The following ZKSCAN3 variants were observed in gnomAD, a reference collection of about 807,000 sequenced individuals.
ZKSCAN3 encodes zinc finger with KRAB and SCAN domains 3.
In ZKSCAN3, 21 loss-of-function variants were observed where a neutral mutation model predicts 30.7. That is an observed-to-expected ratio of 0.68 (90% CI 0.49 to 0.99). The LOEUF (loss-of-function observed/expected upper bound fraction) is 0.99, where lower values mean the gene tolerates loss of function less well. Among genes scored for constraint, ZKSCAN3 ranks in the 50% least tolerant of loss-of-function variants. The pLI is 0.00. For synonymous variants in ZKSCAN3, 201 were observed against 246.7 expected, an observed-to-expected ratio of 0.81 and a Z score of 1.73; for missense variants, 507 against 647.1, an observed-to-expected ratio of 0.78 and a Z score of 2.35.
chr6:28,358,913 A>G (rs1765607303), intron 1 of ZKSCAN3, among the ~76,000 whole-genome samples: 2 of 151,778 alleles, frequency 1.3e-5, no homozygotes, highest in Admixed American at 1.3e-4. Flanking sequence ...AAAAAAAAAA[A>G]AAAAAAAAAA....
rs201098027 is a variant in ZKSCAN3, at chr6:28,365,695, G to A, written c.1027G>A (p.Glu343Lys). ...RRIHTGEKPY[E>K]CEECGKAFIG... ...AATCCACACTGGTGAGAAACCCTAC[G>A]AATGTGAAGAGTGTGGCAAAGCCTT... Residue 343 changes from glutamate to lysine, a missense_variant, in exon 6 of 6, where the codon GAA becomes AAA. Transcript: ENST00000252211. 5.6e-6 allele frequency: 9 copies of A among 1,612,920 alleles called. No individual in the cohort carries two copies. Among genetic ancestry groups the A allele is most frequent in the Admixed American group, 5.0e-5 (3 of 59,926 alleles).
chr6:28,352,630 C>T (rs1429927003), intron 1 of ZKSCAN3, among the ~76,000 whole-genome samples: 1 of 152,162 alleles, frequency 6.6e-6, no homozygotes, highest in Non-Finnish European at 1.5e-5. Context: ...AGTTTGAAAG[C>T]CTTTAATGTA....
intron 5 of ZKSCAN3, among the ~76,000 whole-genome samples, chr6:28,364,981 GC>G (rs1765901220): frequency 6.6e-6 from 1 of 152,178 alleles, no homozygotes; most frequent in South Asian, 2.1e-4. Flanking sequence ...GCCAGCCTGA[GC>G]CTCCCAGTCG....
Position 28,359,827 on chromosome 6 carries a change from A to G in ZKSCAN3, c.241A>G (p.Ser81Gly). 2 of 1,614,198 alleles carry G rather than the reference A, an allele frequency of 1.2e-6. No homozygotes were observed. Among genetic ancestry groups the G allele is most frequent in the Non-Finnish European group, 1.7e-6 (2 of 1,180,046 alleles). Residue 81 changes from serine to glycine, a missense_variant, in exon 2 of 6, where the codon AGC becomes GGC. Physicochemically the swap from Ser to Gly is moderately conservative, Grantham distance 56. Transcript: ENST00000252211. ...ACAGTGGCTGCAGCCTGAGATGCAC[A>G]GCAAGGAGCAGATCCTGGAGCTGCT... ...CRQWLQPEMH[S>G]KEQILELLVL...
rs2113874493 is a variant in ZKSCAN3, at chr6:28,349,984, G to A, written c.-146G>A. The A allele has an allele frequency of 6.6e-6, 1 of 152,378 alleles. No individual in the cohort carries two copies. Among genetic ancestry groups the A allele is most frequent in the South Asian group, 2.1e-4 (1 of 4,820 alleles). The allele number at this position is 152,378 out of a possible 1,614,324, so 9.4% of individuals were successfully genotyped here. The stretch of plus-strand genomic sequence containing the variant: ...CACTTTGTGAGTATGGGGTGAATCG[G>A]CGTCGGCCTTCCACTGTGGGGTTAA... On this transcript the variant is annotated 5_prime_UTR_variant, in exon 1 of 6. Coordinates refer to ENST00000252211, the MANE Select transcript of ZKSCAN3 (RefSeq NM_024493.4). This position sits in a 1 kb window ranked among gnomAD's most constrained non-coding sequence, Gnocchi z 4.1.
intron 4 of ZKSCAN3, 134 bp downstream of exon 4, chr6:28,363,519 C>T (rs1765844886): frequency 7.9e-7 from 1 of 1,271,522 alleles, no homozygotes; most frequent in African/African-American, 1.5e-5. Flanking sequence ...TCTGCATTTT[C>T]TCATCTATCT....
rs147772082 is a variant in ZKSCAN3 at position 28,352,477 on chromosome 6, T to A, written c.-63+2410T>A. Among the ~76,000 whole-genome samples, 22 of 152,202 alleles carry A rather than the reference T, an allele frequency of 1.4e-4. 1 individual carries two copies. In the East Asian group the frequency reaches 4.3e-3, roughly 29 times the overall value. ...CATATGGGCCAGGCTGTTCTTGAAC[T>A]CCTGACCCCAGGAAATCTGCCTCAG... is the stretch of plus-strand genomic sequence containing the variant. On this transcript the variant is annotated intron_variant, in intron 1 of 5. Transcript: ENST00000252211.
At chr6:28,360,242 T>A in intron 2 of ZKSCAN3, 2 of 623,494 alleles carry the variant, frequency 3.2e-6, no homozygotes, top group Non-Finnish European at 5.3e-6. Context: ...AACTTTGTAT[T>A]AAAGTCATAC....
rs1365216246 is a variant in ZKSCAN3, at chr6:28,368,501, C to T, written c.*2216C>T. 1 of 151,728 alleles carries T rather than the reference C, an allele frequency of 6.6e-6. No individual in the cohort carries two copies. The highest frequency in any genetic ancestry group is 1.5e-5 in the Non-Finnish European group (1 of 67,938). 9.4% of individuals were successfully genotyped at this position (151,728 alleles called of 1,614,324 possible). A position where few individuals can be genotyped will look rare whatever the true frequency, so the allele number is the denominator to read the frequency against. On this transcript the variant is annotated 3_prime_UTR_variant, in exon 6 of 6. Transcript: ENST00000252211. ...CCATCATGATAGTCAAAATTTTAGTCTGTGTATTCAAGTGAGAAAATTTTT... is the reference window on the plus strand; with the variant it reads ...CCATCATGATAGTCAAAATTTTAGTTTGTGTATTCAAGTGAGAAAATTTTT...
chr6:28,364,605 G>T (rs1004031150), intron 5 of ZKSCAN3, among the ~76,000 whole-genome samples: 15 of 152,210 alleles, frequency 9.9e-5, no homozygotes, highest in African/African-American at 3.6e-4. Context: ...AAAATTCACA[G>T]CACTGAATCC....
intron 1 of ZKSCAN3, among the ~76,000 whole-genome samples, chr6:28,354,534 A>G (rs1486146398): frequency 6.6e-6 from 1 of 152,106 alleles, no homozygotes; most frequent in East Asian, 1.9e-4. Flanking sequence ...TCTGACACAT[A>G]GGCTCTGGGC....
chr6:28,363,002 G>C (rs1486943980), intron 3 of ZKSCAN3, among the ~76,000 whole-genome samples: 1 of 152,196 alleles, frequency 6.6e-6, no homozygotes, highest in Non-Finnish European at 1.5e-5. Context: ...TCGTGTATCT[G>C]CAGAGCACAA....
intron 5 of ZKSCAN3, among the ~76,000 whole-genome samples, chr6:28,364,491 A>G (rs1765881662): frequency 6.6e-6 from 1 of 152,192 alleles, no homozygotes; most frequent in South Asian, 2.1e-4. Context: ...AGTGTGAGAG[A>G]AGTGTCCTTA....
intron 1 of ZKSCAN3, among the ~76,000 whole-genome samples, chr6:28,354,542 G>A (rs1765294529): frequency 6.6e-6 from 1 of 152,144 alleles, no homozygotes; most frequent in Admixed American, 6.5e-5. Flanking sequence ...ATAGGCTCTG[G>A]GCACACAGGC....
chr6:28,355,630 C>G (rs1218825633), intron 1 of ZKSCAN3: 2 of 152,228 alleles, frequency 1.3e-5, no homozygotes, highest in Non-Finnish European at 2.9e-5. Flanking sequence ...GTTTCAGCCG[C>G]ATCATCCCAA....
Position 28,366,359 on chromosome 6 carries a change from T to G in ZKSCAN3, c.*74T>G. On this transcript the variant is annotated 3_prime_UTR_variant, in exon 6 of 6. Coordinates refer to ENST00000252211, the MANE Select transcript of ZKSCAN3 (RefSeq NM_024493.4). ...GCCACTCCCCCTGGAGTCTCAACTA[T>G]AGAAATTGTGGGCTGGGCTTTATTT... is the stretch of plus-strand genomic sequence containing the variant. 6.9e-7 allele frequency: 1 copy of G among 1,442,142 alleles called. No homozygotes were observed. The highest frequency in any genetic ancestry group is 2.3e-5 in the East Asian group (1 of 42,836). The allele number at this position is 1,442,142 out of a possible 1,614,324, so 89.3% of individuals were successfully genotyped here.
intron 3 of ZKSCAN3, among the ~76,000 whole-genome samples, chr6:28,362,135 G>T (rs1765794342): frequency 6.6e-6 from 1 of 152,160 alleles, no homozygotes; most frequent in Non-Finnish European, 1.5e-5. Flanking sequence ...TCTTTAACTT[G>T]TAATTATGGA....
chr6:28,356,943 G>A (rs1473693469), intron 1 of ZKSCAN3, among the ~76,000 whole-genome samples: 1 of 152,232 alleles, frequency 6.6e-6, no homozygotes, highest in Non-Finnish European at 1.5e-5. Flanking sequence ...TCAGGTTAGA[G>A]CCCCAGCTGA....
At position 28,363,359 on chromosome 6, in the gene ZKSCAN3, G is replaced by A. The variant is rs753015829; in HGVS notation, c.607G>A (p.Ala203Thr). ...ATGCTGCAGAGAAGATAAAGTGGTAGCTTCTAGGCTTACTCCAGAGTCCCA... is the reference window on the plus strand; with the variant it reads ...ATGCTGCAGAGAAGATAAAGTGGTAACTTCTAGGCTTACTCCAGAGTCCCA... The part of the protein sequence containing the change: ...GGCCREDKVV[A>T]SRLTPESQGL... The change falls in exon 4 of 6, where the codon GCT becomes ACT. Residue 203 changes from alanine (A) to threonine (T), a missense_variant. Coordinates refer to ENST00000252211, the MANE Select transcript of ZKSCAN3 (RefSeq NM_024493.4). 6.2e-7 allele frequency: 1 copy of A among 1,613,998 alleles called. No individual in the cohort carries two copies. The highest frequency in any genetic ancestry group is 8.5e-7 in the Non-Finnish European group (1 of 1,179,936).
Sources: allele counts gnomAD v4.1 joint callset (sites outside exome capture counted in the v4.1 genomes callset), GRCh38; gene constraint gnomAD v4.1.1; non-coding constraint Gnocchi (gnomAD v3.1); transcripts MANE v1.5; gene names NCBI Gene and HGNC (gene_info 2026-07-23, HGNC 2026-07-21).